The following CDH4 variants were observed in gnomAD, a reference collection of about 807,000 sequenced individuals.
CDH4 encodes cadherin-4.
In CDH4, 33 loss-of-function variants were observed where a neutral mutation model predicts 86.0. The ratio of observed to expected loss-of-function variants is 0.38; its 90% CI spans 0.29 to 0.51. The LOEUF is 0.51. CDH4 is among the 20% of genes least tolerant of loss of function. The probability of loss-of-function intolerance (pLI) is 0.86; values close to 1 mark genes in which losing one functional copy is unlikely to be tolerated. For synonymous variants in CDH4, 555 were observed against 549.4 expected, an observed-to-expected ratio of 1.01 and a Z score of -0.14; for missense variants, 1,114 against 1,307.4, an observed-to-expected ratio of 0.85 and a Z score of 2.28.
rs117587850 is a variant in CDH4, at chr20:61,852,810, G to A, written c.789G>A (p.Leu263=). Residue 263 remains leucine (L), a synonymous_variant, in exon 6 of 16, where the codon CTG becomes CTA. Transcript: ENST00000614565. ...NGNKVENPID[L]YIYVIDMNDN... ...ACAAGGTGGAGAACCCCATCGACCT[G>A]TACATCTACGTCATCGACATGAATG... The A allele has an allele frequency of 1.3e-4, 210 of 1,614,098 alleles. 1 individual carries two copies. The East Asian group carries it at 4.5e-3, about 35-fold the overall frequency.
chr20:61,763,171 G>A (rs540756838), intron 3 of CDH4, among the ~76,000 whole-genome samples: 3 of 152,176 alleles, frequency 2.0e-5, no homozygotes, highest in African/African-American at 7.2e-5. Flanking sequence ...AATATACCAC[G>A]GATCTGGTGT....
At chr20:61,288,055 A>G (rs2427031) in intron 2 of CDH4, among the ~76,000 whole-genome samples, 146,982 of 152,308 alleles carry the variant, frequency 0.97, 71,107 homozygotes, top group East Asian at 1. Flanking sequence ...TAGAACAGTT[A>G]TCAGCCTTGG....
chr20:61,294,739 A>T (rs889211603), intron 2 of CDH4, among the ~76,000 whole-genome samples: 1 of 152,242 alleles, frequency 6.6e-6, no homozygotes, highest in African/African-American at 2.4e-5. Context: ...CCCTGGGGAA[A>T]GCTGAGCCCC....
intron 2 of CDH4, among the ~76,000 whole-genome samples, chr20:61,653,389 C>T (rs1600842666): frequency 7.2e-6 from 1 of 139,276 alleles, no homozygotes; most frequent in South Asian, 2.3e-4. Flanking sequence ...CCCCACCTTT[C>T]CCCCCTTTCT....
chr20:61,899,993 C>T (rs1474588050), intron 8 of CDH4, among the ~76,000 whole-genome samples: 1 of 152,194 alleles, frequency 6.6e-6, no homozygotes, highest in African/African-American at 2.4e-5. Flanking sequence ...TCTGGAAGTT[C>T]CCTCCCCAAG....
intron 7 of CDH4, among the ~76,000 whole-genome samples, chr20:61,881,733 C>T (rs938194127): frequency 1.3e-5 from 2 of 152,232 alleles, no homozygotes; most frequent in African/African-American, 4.8e-5. Context: ...AAGTCCAGGT[C>T]CCCTGGGGGC....
chr20:61,645,390 G>A (rs2087050928), intron 2 of CDH4, among the ~76,000 whole-genome samples: 1 of 152,222 alleles, frequency 6.6e-6, no homozygotes, highest in Admixed American at 6.5e-5. Context: ...CCTTTGGGAG[G>A]CTGAGGTGGG....
At chr20:61,878,740 C>T (rs1453261319) in intron 7 of CDH4, among the ~76,000 whole-genome samples, 3 of 152,254 alleles carry the variant, frequency 2.0e-5, no homozygotes, top group African/African-American at 7.2e-5. Context: ...AGGGCCCTGG[C>T]ATTGGCCACC....
At chr20:61,507,001 G>A (rs920578302) in intron 2 of CDH4, among the ~76,000 whole-genome samples, 30 of 152,288 alleles carry the variant, frequency 2.0e-4, no homozygotes, top group African/African-American at 6.3e-4. Flanking sequence ...TCAGTGGCTC[G>A]TAACCATGGT....
chr20:61,569,956 G>T (rs55671938), intron 2 of CDH4, among the ~76,000 whole-genome samples: 1 of 152,026 alleles, frequency 6.6e-6, no homozygotes, highest in East Asian at 1.9e-4. Flanking sequence ...GTACAAGGCC[G>T]GTTTTCTGGG....
chr20:61,688,306 C>G (rs1763422500), intron 2 of CDH4, among the ~76,000 whole-genome samples: 1 of 152,094 alleles, frequency 6.6e-6, no homozygotes, highest in Non-Finnish European at 1.5e-5. Flanking sequence ...CTTTCTCCCT[C>G]CTCCCACCTT....
At chr20:61,872,516 C>T (rs1168442307) in intron 6 of CDH4, among the ~76,000 whole-genome samples, 3 of 152,020 alleles carry the variant, frequency 2.0e-5, no homozygotes, top group East Asian at 1.9e-4. Flanking sequence ...CCTGGCCCGC[C>T]GCATGACCCC....
At chr20:61,646,729 G>T (rs2087065597) in intron 2 of CDH4, among the ~76,000 whole-genome samples, 1 of 152,244 alleles carries the variant, frequency 6.6e-6, no homozygotes, top group Non-Finnish European at 1.5e-5. Flanking sequence ...AGACACATCA[G>T]CCTCCAGTTC....
intron 2 of CDH4, among the ~76,000 whole-genome samples, chr20:61,383,865 G>GTATATATGAAGATATATATGCA (rs1568823491): frequency 7.1e-5 from 6 of 84,890 alleles, no homozygotes; most frequent in African/African-American, 2.8e-4. Flanking sequence ...ATATATATGC[G>GTATATATGAAGATATATATGCA]TATATATGAA....
rs556678757 is a variant in CDH4 at position 61,362,210 on chromosome 20, CA to C, written c.169+107274del. Among the ~76,000 whole-genome samples the C allele has an allele frequency of 8.6e-5, 13 of 151,904 alleles. No individual in the cohort carries two copies. The South Asian group carries it at 1.9e-3, about 22-fold the overall frequency. On this transcript the variant is annotated intron_variant, in intron 2 of 15. Transcript: ENST00000614565. ...GGGGCACAGCAAGTGCAAAGCCTGG[CA>C]GGGGGGGATGTGCTTGCTGCATTTG...
At position 61,858,412 on chromosome 20, in the gene CDH4, C is replaced by A. The variant is rs375424861; in HGVS notation, c.877+5514C>A. 7.6e-5 allele frequency among the ~76,000 whole-genome samples: 7 copies of A among 91,764 alleles called. No homozygotes were observed. The East Asian group carries it at 1.9e-3, about 25-fold the overall frequency. 60.2% of individuals were successfully genotyped at this position (91,764 alleles called of 152,430 possible). A position where few individuals can be genotyped will look rare whatever the true frequency, so the allele number is the denominator to read the frequency against. The stretch of plus-strand genomic sequence containing the variant: ...CTGTGTCTCTGTGTCTGTGTGTCTG[C>A]GTCTGTGTGTGTGTCTGTGTCTATG... On this transcript the variant is annotated intron_variant, in intron 6 of 15. Coordinates refer to ENST00000614565, the MANE Select transcript of CDH4 (RefSeq NM_001794.5).
chr20:61,336,865 C>T (rs1292228776), intron 2 of CDH4, among the ~76,000 whole-genome samples: 1 of 152,112 alleles, frequency 6.6e-6, no homozygotes, highest in African/African-American at 2.4e-5. Flanking sequence ...ACAATACCTG[C>T]CCAGTAGAAG....
chr20:61,640,818 G>T (rs2086999113), intron 2 of CDH4, among the ~76,000 whole-genome samples: 1 of 152,200 alleles, frequency 6.6e-6, no homozygotes, highest in Non-Finnish European at 1.5e-5. Context: ...AAGGGTAGCG[G>T]GAGTGTGGGC....
intron 2 of CDH4, among the ~76,000 whole-genome samples, chr20:61,418,850 C>T (rs1051323979): frequency 1.3e-5 from 2 of 152,122 alleles, no homozygotes; most frequent in African/African-American, 2.4e-5. Context: ...CCCACACCCC[C>T]GCATCCCTCT....
Sources: gnomAD v4.1 joint callset for allele counts (sites outside exome capture counted in the v4.1 genomes callset) on GRCh38, gnomAD v4.1.1 for gene constraint, MANE v1.5 for transcripts, NCBI Gene and HGNC (gene_info 2026-07-23, HGNC 2026-07-21) for gene names.